Variants in GAREM2 observed in about 807,000 individuals in gnomAD.
GAREM2 encodes the protein GRB2 associated regulator of MAPK1 subtype 2.
In GAREM2, 30 loss-of-function variants were observed where a neutral mutation model predicts 55.6. The ratio of observed to expected loss-of-function variants is 0.54; its 90% CI spans 0.40 to 0.73. The LOEUF (loss-of-function observed/expected upper bound fraction) is 0.73. GAREM2 is among the 30% of genes least tolerant of loss of function. GAREM2 has a pLI of 0.00. For synonymous variants in GAREM2, 550 were observed against 569.1 expected (o/e 0.97, Z 0.48); for missense variants, 1,075 against 1,257.7 (o/e 0.85, Z 2.20).
At chr2:26,186,941 C>T (rs1669279271) in intron 5 of GAREM2, among the ~76,000 whole-genome samples, 2 of 152,200 alleles carry the variant, frequency 1.3e-5, no homozygotes, top group South Asian at 4.1e-4. Context: ...CACCACTGCA[C>T]TCCAGCCTGG....
In GAREM2 at chr2:26,177,377, T is replaced by C. The variant is rs1289858356; in HGVS notation, c.253+893T>C. On this transcript the variant is annotated intron_variant, in intron 2 of 5. Transcript: ENST00000401533. ...TGTGTTAAGCATGTGCTGCATGCCA[T>C]ATGCTGGGCCGAACATTTTTGCCAT... Among the ~76,000 whole-genome samples, 4 of 152,326 alleles carry C rather than the reference T, an allele frequency of 2.6e-5. No homozygotes were observed. In the East Asian group the frequency reaches 7.7e-4, roughly 29 times the overall value.
chr2:26,201,010 G>A, the GAREM2 span: 6 of 732,474 alleles, frequency 8.2e-6, no homozygotes. Flanking sequence ...GGGATTATAG[G>A]CGTGAGCCAC....
chr2:26,201,182 A>C, the GAREM2 span: 1 of 1,613,888 alleles, frequency 6.2e-7, no homozygotes, highest in Non-Finnish European at 8.5e-7. Context: ...TGTGCTTAAG[A>C]CTAAGGTCCT....
intron 1 of GAREM2, among the ~76,000 whole-genome samples, chr2:26,174,580 C>T (rs894666982): frequency 2.6e-5 from 4 of 152,204 alleles, no homozygotes; most frequent in Non-Finnish European, 5.9e-5. Flanking sequence ...GCTGTGGGCT[C>T]CTTGAGACCA....
At position 26,187,343 on chromosome 2, in the gene GAREM2, C is replaced by T. The variant is rs1399586465; in HGVS notation, c.1711C>T (p.Pro571Ser). The part of the protein sequence containing the change: ...KVGESSSRPA[P>S]GPLPSTTQPS... Reference sequence around the variant, plus strand: ...GGGCGAGTCCTCTAGCCGCCCAGCCCCCGGTCCCCTACCCTCAACCACACA... The same window carrying T: ...GGGCGAGTCCTCTAGCCGCCCAGCCTCCGGTCCCCTACCCTCAACCACACA... Residue 571 changes from proline to serine, a missense_variant, in exon 6 of 6, where the codon CCC becomes TCC. Pro to Ser is a moderately conservative substitution (Grantham distance 74). Transcript: ENST00000401533. 1.9e-6 allele frequency: 3 copies of T among 1,543,368 alleles called. No homozygotes were observed. Among genetic ancestry groups the T allele is most frequent in the East Asian group, 2.5e-5 (1 of 40,726 alleles).
the GAREM2 span, among the ~76,000 whole-genome samples, chr2:26,199,638 A>G: frequency 6.6e-6 from 1 of 152,222 alleles, no homozygotes; most frequent in South Asian, 2.1e-4. Context: ...TTTTATCAAC[A>G]CAATGCAGCA....
the GAREM2 span, among the ~76,000 whole-genome samples, chr2:26,198,562 A>G: frequency 2.6e-5 from 4 of 152,136 alleles, no homozygotes; most frequent in South Asian, 2.1e-4. Context: ...GAATCCTAAC[A>G]GAGATGAGAA....
In GAREM2 at chr2:26,185,287, G is replaced by T. The variant is rs940047619; in HGVS notation, c.1428+11G>T. 15 of 1,499,166 alleles carry T rather than the reference G, an allele frequency of 1.0e-5. No individual in the cohort carries two copies. In the Admixed American group the frequency reaches 2.3e-4, roughly 23 times the overall value. The allele number at this position is 1,499,166 out of a possible 1,614,324, so 92.9% of individuals were successfully genotyped here. On this transcript the variant is annotated intron_variant, in intron 4 of 5. Coordinates refer to ENST00000401533, the MANE Select transcript of GAREM2 (RefSeq NM_001168241.2). ...CCCAAATCCGAGGCGGTGAGTGAGC[G>T]CGCTGGGGGCCGAGTCCCGGGTCCA...
chr2:26,178,886 A>AGGC (rs60268556), intron 2 of GAREM2, among the ~76,000 whole-genome samples: 19,437 of 151,228 alleles, frequency 0.13, 2,778 homozygotes, highest in East Asian at 0.74. Context: ...GGGGGAGGGG[A>AGGC]GGAGGAGGCG....
chr2:26,201,149 C>T, the GAREM2 span: 21 of 1,609,172 alleles, frequency 1.3e-5, no homozygotes, highest in African/African-American at 6.7e-5. Context: ...CCTTGCTTAC[C>T]GCTTCTACTT....
chr2:26,175,374 G>A (rs1403125380), intron 1 of GAREM2, among the ~76,000 whole-genome samples: 2 of 152,178 alleles, frequency 1.3e-5, no homozygotes, highest in Non-Finnish European at 2.9e-5. Flanking sequence ...CTGCCCCAGA[G>A]CAGCTTCCCC....
downstream of GAREM2, chr2:26,191,001 T>TCTAGGCCTCGGGG: frequency 1.7e-6 from 1 of 578,896 alleles, no homozygotes; most frequent in Non-Finnish European, 3.1e-6. Context: ...TGGCTGCCAC[T>TCTAGGCCTCGGGG]CTAGGCCTCG....
Position 26,187,962 on chromosome 2 carries a change from G to A in GAREM2, c.2330G>A (p.Arg777His), listed in dbSNP as rs201944096. Residue 777 changes from arginine (R) to histidine (H), a missense_variant, in exon 6 of 6, where the codon CGC becomes CAC. Physicochemically the swap from Arg to His is conservative, Grantham distance 29. This residue lies in a region of GAREM2 where 142 missense variants were observed against 172.3 expected (regional missense o/e 0.82). Transcript: ENST00000401533. ...GGAGCACTTTTTCTAACCCAAGGGCGCCTGGAAGGGCCTCCTGCCAGTCCC... is the reference window on the plus strand; with the variant it reads ...GGAGCACTTTTTCTAACCCAAGGGCACCTGGAAGGGCCTCCTGCCAGTCCC... ...AGGALFLTQG[R>H]LEGPPASPRD... The A allele has an allele frequency of 3.3e-3, 4,812 of 1,453,472 alleles. 16 individuals are homozygous for A. The highest frequency in any genetic ancestry group is 3.5e-3 in the Non-Finnish European group (3,829 of 1,098,272). 90.0% of individuals were successfully genotyped at this position (1,453,472 alleles called of 1,614,324 possible).
chr2:26,184,540 T>C lies in GAREM2; in HGVS notation c.692T>C (p.Phe231Ser), dbSNP rs936499681. The change falls in exon 4 of 6, where the codon TTT (phenylalanine) becomes TCT (serine). Residue 231 changes from phenylalanine (F) to serine (S), a missense_variant. Phe to Ser is a radical substitution (Grantham distance 155). Coordinates refer to ENST00000401533, the MANE Select transcript of GAREM2 (RefSeq NM_001168241.2). ...ACCAACGAAAGCCTGAGCCTGCCCT[T>C]TCAGTGCCAGGGCCGCTTCAGCACT... ...HRTNESLSLP[F>S]QCQGRFSTRS... The C allele has an allele frequency of 6.5e-7, 1 of 1,547,722 alleles. No homozygotes were observed. The highest frequency in any genetic ancestry group is 1.2e-5 in the South Asian group (1 of 83,850).
chr2:26,196,395 T>C, the GAREM2 span, among the ~76,000 whole-genome samples: 3 of 152,260 alleles, frequency 2.0e-5, no homozygotes, highest in Admixed American at 6.5e-5. Context: ...TTAGCCTTTA[T>C]TGATGTAGAA....
intron 5 of GAREM2, among the ~76,000 whole-genome samples, chr2:26,186,775 A>G (rs1012641886): frequency 6.6e-6 from 1 of 152,216 alleles, no homozygotes; most frequent in Non-Finnish European, 1.5e-5. Flanking sequence ...CAGGAGTTCA[A>G]GACCAGCCTG....
intron 2 of GAREM2, chr2:26,182,357 G>C (rs565051678): frequency 1.6e-5 from 25 of 1,524,962 alleles, no homozygotes; most frequent in Non-Finnish European, 2.1e-5. Context: ...TATTGGACCA[G>C]GGCAGGGTGT....
At chr2:26,195,328 G>T in the GAREM2 span, 1 of 1,066,334 alleles carries the variant, frequency 9.4e-7, no homozygotes, top group Non-Finnish European at 1.5e-6. Context: ...AAAGAAAGGT[G>T]GCTGTGATAT....
chr2:26,175,998 C>T (rs981614307), intron 1 of GAREM2, among the ~76,000 whole-genome samples: 1 of 152,234 alleles, frequency 6.6e-6, no homozygotes, highest in African/African-American at 2.4e-5. Flanking sequence ...CTGCCCACCT[C>T]CCCAGGGGCC....
Sources: allele counts gnomAD v4.1 joint callset (sites outside exome capture counted in the v4.1 genomes callset), GRCh38; gene constraint gnomAD v4.1.1; regional missense constraint gnomAD v4.1.1; transcripts MANE v1.5; gene names NCBI Gene and HGNC (gene_info 2026-07-23, HGNC 2026-07-21).